The following BACH2 variants were observed in gnomAD, a reference collection of about 807,000 sequenced individuals.
The protein encoded by BACH2 is transcription regulator protein BACH2.
Under a neutral mutation model 61.8 loss-of-function variants are expected in BACH2, and 5 were observed. The observed-to-expected ratio is 0.08, with a 90% CI of 0.04 to 0.17. The LOEUF is 0.17. BACH2 is among the 10% of genes least tolerant of loss of function. BACH2 has a pLI of 1.00. For synonymous variants in BACH2, 446 were observed against 440.1 expected (o/e 1.01, Z -0.17); for missense variants, 824 against 1,091.1 (o/e 0.76, Z 3.45).
intron 5 of BACH2, among the ~76,000 whole-genome samples, chr6:90,029,503 G>GTTTATGTTTC (rs1214722989): frequency 6.6e-6 from 1 of 152,070 alleles, no homozygotes; most frequent in Non-Finnish European, 1.5e-5. Flanking sequence ...CTCCCTCCCT[G>GTTTATGTTTC]TTTATGTTTC....
intron 3 of BACH2, among the ~76,000 whole-genome samples, chr6:90,233,844 G>T: frequency 6.6e-6 from 1 of 152,100 alleles, no homozygotes. Flanking sequence ...TGCCAGCCAC[G>T]GCCCTATGGA....
At chr6:90,199,639 G>A (rs1418105747) in intron 4 of BACH2, among the ~76,000 whole-genome samples, 1 of 152,138 alleles carries the variant, frequency 6.6e-6, no homozygotes, top group Admixed American at 6.5e-5. Context: ...AAGGCAGGTG[G>A]AGACAGAGTC....
At chr6:90,084,574 T>C (rs552723933) in intron 5 of BACH2, among the ~76,000 whole-genome samples, 15 of 150,414 alleles carry the variant, frequency 1.0e-4, no homozygotes, top group Non-Finnish European at 1.8e-4. Flanking sequence ...CGGCTCCCCA[T>C]AGCAACTGAC....
chr6:90,028,469 GT>G (rs2127787026), intron 5 of BACH2, among the ~76,000 whole-genome samples: 1 of 152,294 alleles, frequency 6.6e-6, no homozygotes, highest in South Asian at 2.1e-4. Flanking sequence ...TTGCATGTAT[GT>G]TCTGCCCAAA....
At chr6:90,233,867 T>C (rs1770177617) in intron 3 of BACH2, among the ~76,000 whole-genome samples, 1 of 152,110 alleles carries the variant, frequency 6.6e-6, no homozygotes, top group South Asian at 2.1e-4. Flanking sequence ...AGGGACAAGA[T>C]AGCACACCTG....
At chr6:90,044,364 G>A (rs747195963) in intron 5 of BACH2, among the ~76,000 whole-genome samples, 47 of 152,304 alleles carry the variant, frequency 3.1e-4, no homozygotes, top group Non-Finnish European at 5.7e-4. Flanking sequence ...TACAGCAGGA[G>A]TAGGCTTGAT....
At chr6:90,161,604 T>C (rs1036389640) in intron 4 of BACH2, among the ~76,000 whole-genome samples, 2 of 152,206 alleles carry the variant, frequency 1.3e-5, no homozygotes, top group Non-Finnish European at 1.5e-5. Context: ...AGCAACTGAT[T>C]AGAAAGTCAT....
intron 4 of BACH2, among the ~76,000 whole-genome samples, chr6:90,091,304 CG>C (rs1375721288): frequency 1.3e-5 from 2 of 152,018 alleles, no homozygotes; most frequent in Non-Finnish European, 2.9e-5. Context: ...TATATTGACA[CG>C]GGGAAGGCTA....
intron 4 of BACH2, among the ~76,000 whole-genome samples, chr6:90,123,341 C>T (rs1783709607): frequency 6.6e-6 from 1 of 152,146 alleles, no homozygotes; most frequent in African/African-American, 2.4e-5. Context: ...GGAAGTGTGG[C>T]CCTGAAACAC....
chr6:90,076,254 G>A (rs971930752), intron 5 of BACH2, among the ~76,000 whole-genome samples: 5 of 152,032 alleles, frequency 3.3e-5, no homozygotes, highest in African/African-American at 4.8e-5. Flanking sequence ...GTTACCGAGC[G>A]AATGAGGATT....
Position 89,927,647 on chromosome 6 carries a change from T to C in BACH2, c.*4761A>G, listed in dbSNP as rs1772424026. The C allele has an allele frequency of 6.5e-6, 1 of 152,838 alleles. No individual in the cohort carries two copies. The highest frequency in any genetic ancestry group is 2.4e-5 in the African/African-American group (1 of 41,484). 9.5% of individuals were successfully genotyped at this position (152,838 alleles called of 1,614,324 possible). A position where few individuals can be genotyped will look rare whatever the true frequency, so the allele number is the denominator to read the frequency against. The stretch of plus-strand genomic sequence containing the variant: ...AATCAAAGCTATGAAAGTTGGCCTC[T>C]GCAACCAAGTGGGTATTCTTCACAA... On this transcript the variant is annotated 3_prime_UTR_variant, in exon 9 of 9. Coordinates refer to ENST00000257749, the MANE Select transcript of BACH2 (RefSeq NM_021813.4).
intron 5 of BACH2, chr6:90,062,782 G>A (rs1383552466): frequency 3.9e-6 from 1 of 255,112 alleles, no homozygotes. Flanking sequence ...TCCCTAAAGT[G>A]TAGTGACCAG....
At chr6:90,039,631 G>A (rs928604071) in intron 5 of BACH2, among the ~76,000 whole-genome samples, 49 of 152,064 alleles carry the variant, frequency 3.2e-4, no homozygotes, top group African/African-American at 1.1e-3. Context: ...TGATCTGCTC[G>A]CCTCGGCCTC....
At chr6:90,131,748 A>G (rs1414013455) in intron 4 of BACH2, among the ~76,000 whole-genome samples, 3 of 152,204 alleles carry the variant, frequency 2.0e-5, no homozygotes, top group Non-Finnish European at 4.4e-5. Flanking sequence ...CAGCATTTCA[A>G]TTTTGTGGTA....
intron 2 of BACH2, among the ~76,000 whole-genome samples, chr6:90,271,506 T>G (rs577283070): frequency 1.8e-4 from 27 of 152,212 alleles, no homozygotes; most frequent in African/African-American, 6.5e-4. Context: ...ATGCTACAAT[T>G]TATGTGGTTT....
chr6:90,083,414 T>C (rs546938874), intron 5 of BACH2, among the ~76,000 whole-genome samples: 23 of 152,294 alleles, frequency 1.5e-4, no homozygotes, highest in Non-Finnish European at 2.8e-4. Flanking sequence ...CTCCTCTCTG[T>C]ACCATTAGCA....
At chr6:89,938,447 C>A in intron 7 of BACH2, 97 bp from the exon 8 acceptor site, 1 of 994,708 alleles carries the variant, frequency 1.0e-6, no homozygotes, top group Non-Finnish European at 1.5e-6. Flanking sequence ...TTATGATGAC[C>A]AAGTAATATG....
intron 2 of BACH2, among the ~76,000 whole-genome samples, chr6:90,262,993 C>A (rs1010172773): frequency 1.3e-5 from 2 of 151,950 alleles, no homozygotes; most frequent in Non-Finnish European, 2.9e-5. Flanking sequence ...GAAAAGAGTA[C>A]AACAATTATT....
chr6:90,188,328 G>A (rs1768433437), intron 4 of BACH2, among the ~76,000 whole-genome samples: 1 of 152,066 alleles, frequency 6.6e-6, no homozygotes, highest in Admixed American at 6.5e-5. Context: ...TTAAGTGTGG[G>A]TTAACTTATG....
Sources: gnomAD v4.1 joint callset for allele counts (sites outside exome capture counted in the v4.1 genomes callset) on GRCh38, gnomAD v4.1.1 for gene constraint, MANE v1.5 for transcripts, NCBI Gene and HGNC (gene_info 2026-07-23, HGNC 2026-07-21) for gene names.